Variants in SLC24A3 observed in about 807,000 individuals in gnomAD.
SLC24A3 encodes solute carrier family 24 member 3.
Under a neutral mutation model 75.8 loss-of-function variants are expected in SLC24A3, and 28 were observed. That is an observed-to-expected ratio of 0.37 (90% CI 0.27 to 0.51). The LOEUF (loss-of-function observed/expected upper bound fraction) is 0.51. SLC24A3 is among the 20% of genes least tolerant of loss of function. The pLI, the probability that SLC24A3 is intolerant of heterozygous loss-of-function variation, is 0.94. For synonymous variants in SLC24A3, 372 were observed against 334.1 expected (o/e 1.11, Z -1.24); for missense variants, 663 against 847.8 (o/e 0.78, Z 2.71).
intron 3 of SLC24A3, among the ~76,000 whole-genome samples, chr20:19,532,180 G>A (rs933050854): frequency 1.3e-5 from 2 of 152,190 alleles, no homozygotes; most frequent in South Asian, 2.1e-4. Flanking sequence ...TAAGAACAAC[G>A]TTCCTTGATT....
chr20:19,678,165 C>G (rs1004022555), intron 9 of SLC24A3, among the ~76,000 whole-genome samples: 99 of 151,048 alleles, frequency 6.6e-4, no homozygotes, highest in Non-Finnish European at 1.2e-3. Context: ...CCTTTCCCCC[C>G]TTTCTATTCC....
chr20:19,370,063 T>C (rs563247639), intron 2 of SLC24A3, among the ~76,000 whole-genome samples: 2 of 152,266 alleles, frequency 1.3e-5, no homozygotes, highest in South Asian at 4.1e-4. Context: ...CTTTTTCCCA[T>C]GTATAAATTG....
chr20:19,515,995 C>T (rs947496646), intron 3 of SLC24A3, among the ~76,000 whole-genome samples: 30 of 152,346 alleles, frequency 2.0e-4, no homozygotes, highest in Admixed American at 9.8e-4. Context: ...CTCACTCACA[C>T]GTAAGCCCCA....
chr20:19,703,656 A>G (rs2032897675), intron 15 of SLC24A3, among the ~76,000 whole-genome samples: 1 of 152,234 alleles, frequency 6.6e-6, no homozygotes, highest in Non-Finnish European at 1.5e-5. Flanking sequence ...AAAGTGAAAT[A>G]TTTCATCAAA....
At chr20:19,637,985 C>T (rs1024337195) in intron 6 of SLC24A3, among the ~76,000 whole-genome samples, 5 of 152,024 alleles carry the variant, frequency 3.3e-5, no homozygotes, top group Admixed American at 1.3e-4. Context: ...TTTACATGTG[C>T]AGAACGTGCA....
chr20:19,537,888 G>T (rs971701509), intron 3 of SLC24A3, among the ~76,000 whole-genome samples: 1 of 135,776 alleles, frequency 7.4e-6, no homozygotes, highest in East Asian at 2.6e-4. Flanking sequence ...TGGGGTGGGG[G>T]GAGGGGGAGG....
chr20:19,425,473 G>A (rs1430910186), intron 2 of SLC24A3, among the ~76,000 whole-genome samples: 1 of 152,080 alleles, frequency 6.6e-6, no homozygotes, highest in African/African-American at 2.4e-5. Flanking sequence ...TTGTGCAATT[G>A]TTCACTCATT....
intron 1 of SLC24A3, among the ~76,000 whole-genome samples, chr20:19,220,196 A>G (rs1981667766): frequency 6.6e-6 from 1 of 152,210 alleles, no homozygotes; most frequent in African/African-American, 2.4e-5. Context: ...TATTTAAATC[A>G]TGAAATCTAG....
chr20:19,346,081 A>G lies in SLC24A3; in HGVS notation c.271+64994A>G, dbSNP rs1463831788. On this transcript the variant is annotated intron_variant, in intron 2 of 16. Transcript: ENST00000328041. ...AAGAAAACTATATATATATATATAT[A>G]TATATATATATATATATATATATAT... Among the ~76,000 whole-genome samples the G allele has an allele frequency of 2.1e-4, 14 of 66,120 alleles. 3 individuals carry two copies. The highest frequency in any genetic ancestry group is 1.4e-3 in the African/African-American group (10 of 7,304). The allele number at this position is 66,120 out of a possible 152,430, so 43.4% of individuals were successfully genotyped here.
chr20:19,641,525 A>G (rs1304092292), intron 6 of SLC24A3, among the ~76,000 whole-genome samples: 1 of 152,178 alleles, frequency 6.6e-6, no homozygotes, highest in Non-Finnish European at 1.5e-5. Context: ...ATGCGCTGTG[A>G]CTTCTCGAAA....
chr20:19,665,994 CA>C, intron 8 of SLC24A3, 105 bp downstream of exon 8: 4 of 1,292,376 alleles, frequency 3.1e-6, no homozygotes, highest in Non-Finnish European at 3.2e-6. Context: ...AGTGTCATGA[CA>C]GCTTAGAATG....
chr20:19,719,257 ACT>A (rs2033075665), intron 16 of SLC24A3, among the ~76,000 whole-genome samples: 1 of 152,132 alleles, frequency 6.6e-6, no homozygotes. Flanking sequence ...GACATTCACA[ACT>A]CTTTCATGTT....
chr20:19,547,208 A>G lies in SLC24A3; in HGVS notation c.348+31644A>G, dbSNP rs565342009. Among the ~76,000 whole-genome samples the G allele has an allele frequency of 5.0e-4, 76 of 152,326 alleles. 1 individual carries two copies. The South Asian group carries it at 5.2e-3, about 10-fold the overall frequency. ...GTCAATTTCATTCATCATTCCAACC[A>G]TAGGGCCTAATTTAGTGTGTAACAC... is the stretch of plus-strand genomic sequence containing the variant. On this transcript the variant is annotated intron_variant, in intron 3 of 16. Coordinates refer to ENST00000328041, the MANE Select transcript of SLC24A3 (RefSeq NM_020689.4).
At chr20:19,555,782 C>T (rs986902514) in intron 3 of SLC24A3, among the ~76,000 whole-genome samples, 7 of 152,224 alleles carry the variant, frequency 4.6e-5, no homozygotes, top group Non-Finnish European at 1.0e-4. Context: ...GACCCCTCTC[C>T]TCCCTATGAC....
intron 2 of SLC24A3, among the ~76,000 whole-genome samples, chr20:19,395,954 C>G (rs1318431311): frequency 6.6e-6 from 1 of 152,082 alleles, no homozygotes; most frequent in Non-Finnish European, 1.5e-5. Context: ...AGGACCCACA[C>G]CCTCCAAACC....
chr20:19,235,750 T>G (rs1433772314), intron 1 of SLC24A3, among the ~76,000 whole-genome samples: 1 of 152,166 alleles, frequency 6.6e-6, no homozygotes, highest in Non-Finnish European at 1.5e-5. Flanking sequence ...TGCTGGCAGG[T>G]GCATCCCCTG....
At chr20:19,719,391 G>A (rs980504066) in intron 16 of SLC24A3, among the ~76,000 whole-genome samples, 6 of 152,272 alleles carry the variant, frequency 3.9e-5, no homozygotes, top group Admixed American at 3.3e-4. Flanking sequence ...GTTGGGGCAT[G>A]TGCTAGAGGA....
At chr20:19,277,108 G>T (rs975629247) in intron 1 of SLC24A3, among the ~76,000 whole-genome samples, 16 of 152,276 alleles carry the variant, frequency 1.1e-4, no homozygotes, top group African/African-American at 3.9e-4. Context: ...AACCAGGATG[G>T]ATTTCATCCT....
At chr20:19,391,827 G>A (rs1221155657) in intron 2 of SLC24A3, among the ~76,000 whole-genome samples, 1 of 152,180 alleles carries the variant, frequency 6.6e-6, no homozygotes, top group African/African-American at 2.4e-5. Context: ...TAAGAAGACT[G>A]ACTCCTCTGG....
Sources: gnomAD v4.1 joint callset for allele counts (sites outside exome capture counted in the v4.1 genomes callset) on GRCh38, gnomAD v4.1.1 for gene constraint, MANE v1.5 for transcripts, NCBI Gene and HGNC (gene_info 2026-07-23, HGNC 2026-07-21) for gene names.